TTYH3: variants seen among roughly 807,000 people sequenced by gnomAD.
The protein encoded by TTYH3 is protein tweety homolog 3.
A neutral mutation model predicts 68.2 loss-of-function variants in TTYH3; 23 were observed. The observed-to-expected ratio is 0.34, with a 90% CI of 0.24 to 0.48. The LOEUF (loss-of-function observed/expected upper bound fraction) is 0.48. Among genes scored for constraint, TTYH3 ranks in the 20% least tolerant of loss-of-function variants. The probability of loss-of-function intolerance (pLI) is 0.99; values close to 1 mark genes in which losing one functional copy is unlikely to be tolerated. For synonymous variants in TTYH3, 360 were observed against 332.8 expected (o/e 1.08, Z -0.89); for missense variants, 768 against 727.7 (o/e 1.06, Z -0.64).
chr7:2,657,347 ATGG>A (rs1449925071), intron 11 of TTYH3, among the ~76,000 whole-genome samples: 40 of 149,712 alleles, frequency 2.7e-4, no homozygotes, highest in Admixed American at 9.2e-4. Context: ...GGTGATGGTG[ATGG>A]TGGTGATGAT....
intron 8 of TTYH3, 169 bp from the exon 9 acceptor site, chr7:2,652,749 T>A (rs1786220467): frequency 6.6e-6 from 4 of 606,590 alleles, no homozygotes; most frequent in South Asian, 2.0e-5. Flanking sequence ...TCTCTGGGTG[T>A]GTCCCGGGGG....
At position 2,645,084 on chromosome 7, in the gene TTYH3, G is replaced by T. The variant is rs777401081; in HGVS notation, c.124-1769G>T. Among the ~76,000 whole-genome samples the T allele has an allele frequency of 6.6e-6, 1 of 151,578 alleles. No individual in the cohort carries two copies. Among genetic ancestry groups the T allele is most frequent in the African/African-American group, 2.4e-5 (1 of 41,180 alleles). On this transcript the variant is annotated intron_variant, in intron 1 of 13. Coordinates refer to ENST00000258796, the MANE Select transcript of TTYH3 (RefSeq NM_025250.3). The surrounding 1 kb of genome is among the most constrained non-coding windows in gnomAD (Gnocchi z 4.8). ...TGAGGGCAGCGCAGGTGTGCCTGGT[G>T]GCCACCCCACAACACTGAGGGCCCC...
Position 2,658,361 on chromosome 7 carries a change from CA to C in TTYH3, c.1327del (p.Met443CysfsTer33). The C allele has an allele frequency of 6.2e-7, 1 of 1,611,128 alleles. No individual in the cohort carries two copies. Among genetic ancestry groups the C allele is most frequent in the Middle Eastern group, 1.7e-4 (1 of 6,050 alleles). On this transcript the variant is annotated frameshift_variant, in exon 12 of 14. Transcript: ENST00000258796. LOFTEE classifies it high-confidence loss of function. ...CGCACGACAGCCTCTACCGCGTCCA[CA>C]TGCCCAGCCTGTACAGCTGTGGCAG... ...QAHDSLYRVHMPSLYSCGSSY... is the reference protein window; with the variant it reads ...QAHDSLYRVHXPSLYSCGSSY...
chr7:2,656,621 T>C, intron 11 of TTYH3, 87 bp downstream of exon 11: 1 of 1,484,056 alleles, frequency 6.7e-7, no homozygotes, highest in Non-Finnish European at 9.0e-7. Context: ...TGGACACCCA[T>C]GTGCCAGTCC....
rs754122294 is a variant in TTYH3, at chr7:2,658,420, C to T, written c.1385C>T (p.Ala462Val). The T allele has an allele frequency of 8.1e-6, 13 of 1,612,088 alleles. No homozygotes were observed. The highest frequency in any genetic ancestry group is 2.2e-5 in the East Asian group (1 of 44,884). ...GGCAGTGAGACCAGCATCCCGGCCG[C>T]GGCCCACACCGTCAGCAACGCCCCG... ...SYGSETSIPA[A>V]AHTVSNAPVT... is the part of the protein sequence containing the mutation. Residue 462 changes from alanine (A) to valine (V), a missense_variant, in exon 12 of 14, where the codon GCG becomes GTG. Transcript: ENST00000258796.
In TTYH3 at chr7:2,664,491, T is replaced by A. The variant is rs577226842; in HGVS notation, c.*2752T>A. 370 of 151,530 alleles carry A rather than the reference T, an allele frequency of 2.4e-3. 4 individuals are homozygous for A. The highest frequency in any genetic ancestry group is 3.8e-3 in the Non-Finnish European group (258 of 67,898). 9.4% of individuals were successfully genotyped at this position (151,530 alleles called of 1,614,324 possible). On this transcript the variant is annotated 3_prime_UTR_variant, in exon 14 of 14. Transcript: ENST00000258796. ...TTATATATAATATATATATATATAA[T>A]CTCCTTAAGACTCAGCCTCCTGGTT... is the stretch of plus-strand genomic sequence containing the variant.
At position 2,661,811 on chromosome 7, in the gene TTYH3, G is replaced by A; in HGVS notation, c.*72G>A. 6.6e-7 allele frequency: 1 copy of A among 1,507,490 alleles called. No homozygotes were observed. Among genetic ancestry groups the A allele is most frequent in the Non-Finnish European group, 9.0e-7 (1 of 1,113,704 alleles). 93.4% of individuals were successfully genotyped at this position (1,507,490 alleles called of 1,614,324 possible). A position where few individuals can be genotyped will look rare whatever the true frequency, so the allele number is the denominator to read the frequency against. On this transcript the variant is annotated 3_prime_UTR_variant, in exon 14 of 14. Coordinates refer to ENST00000258796, the MANE Select transcript of TTYH3 (RefSeq NM_025250.3). Reference sequence around the variant, plus strand: ...GTGCCAGCACTGCCGCTTCCACCTGGGCCACCCACCGGACCCTCGCACGCC... The same window carrying A: ...GTGCCAGCACTGCCGCTTCCACCTGAGCCACCCACCGGACCCTCGCACGCC...
chr7:2,647,189 G>A lies in TTYH3; in HGVS notation c.341G>A (p.Gly114Asp). 1 of 1,606,884 alleles carries A rather than the reference G, an allele frequency of 6.2e-7. No homozygotes were observed. The highest frequency in any genetic ancestry group is 8.5e-7 in the Non-Finnish European group (1 of 1,178,222). ...GFYGNGETSD[G>D]IHRATYSLRH... is the part of the protein sequence containing the mutation. The stretch of plus-strand genomic sequence containing the variant: ...TACGGCAACGGGGAGACCAGTGATG[G>A]CATCCATAGGGCCACCTACTCGCTC... The change falls in exon 3 of 14, where the codon GGC becomes GAC. Residue 114 changes from glycine to aspartate, a missense_variant. By Grantham distance (94) the Gly-to-Asp change is moderately conservative (BLOSUM62 -1). Transcript: ENST00000258796.
intron 13 of TTYH3, among the ~76,000 whole-genome samples, chr7:2,660,926 T>G (rs1221694300): frequency 6.6e-6 from 1 of 152,178 alleles, no homozygotes; most frequent in Non-Finnish European, 1.5e-5. Flanking sequence ...CACACACACG[T>G]GCACTCAAGA....
chr7:2,657,018 C>T lies in TTYH3; in HGVS notation c.1250+484C>T, dbSNP rs550615225. On this transcript the variant is annotated intron_variant, in intron 11 of 13. Coordinates refer to ENST00000258796, the MANE Select transcript of TTYH3 (RefSeq NM_025250.3). ...TCCAGCTAAGTGACCAGGATAGAAG[C>T]CAGCTCCCCTGGAGCCACTATGTCC... 1.2e-4 allele frequency among the ~76,000 whole-genome samples: 19 copies of T among 152,358 alleles called. No homozygotes were observed. In the East Asian group the frequency reaches 3.5e-3, roughly 28 times the overall value.
chr7:2,633,625 C>T (rs944024850), intron 1 of TTYH3, among the ~76,000 whole-genome samples: 1 of 152,258 alleles, frequency 6.6e-6, no homozygotes, highest in Non-Finnish European at 1.5e-5. Flanking sequence ...TCAGGAACTT[C>T]TGGAACTTAT....
At position 2,638,533 on chromosome 7, in the gene TTYH3, C is replaced by T. The variant is rs143206169; in HGVS notation, c.123+6255C>T. Among the ~76,000 whole-genome samples the T allele has an allele frequency of 3.8e-3, 571 of 152,130 alleles. 2 individuals are homozygous for T. Among genetic ancestry groups the T allele is most frequent in the Admixed American group, 6.5e-3 (99 of 15,294 alleles). On this transcript the variant is annotated intron_variant, in intron 1 of 13. Transcript: ENST00000258796. ...GTGAGGGCCAGCCCGGAGGGAGCCCCGGGGGGTGTGGGGCCATGTGCAGCC... is the reference window on the plus strand; with the variant it reads ...GTGAGGGCCAGCCCGGAGGGAGCCCTGGGGGGTGTGGGGCCATGTGCAGCC...
intron 1 of TTYH3, among the ~76,000 whole-genome samples, chr7:2,643,917 G>A (rs1016716081): frequency 1.3e-5 from 2 of 152,224 alleles, no homozygotes; most frequent in African/African-American, 4.8e-5. Context: ...AGTCCCAGAT[G>A]TGGGGTGCAG....
At chr7:2,652,662 T>G (rs1786218614) in intron 8 of TTYH3, among the ~76,000 whole-genome samples, 1 of 152,102 alleles carries the variant, frequency 6.6e-6, no homozygotes, top group Non-Finnish European at 1.5e-5. Flanking sequence ...ACCCTTTGAA[T>G]CCTGAGGGCC....
Position 2,658,459 on chromosome 7 carries a change from T to C in TTYH3, c.1424T>C (p.Met475Thr). 1.2e-6 allele frequency: 2 copies of C among 1,608,020 alleles called. No individual in the cohort carries two copies. Among genetic ancestry groups the C allele is most frequent in the Non-Finnish European group, 1.7e-6 (2 of 1,176,442 alleles). ...TVSNAPVTEY[M>T]SQNANFQNPR... ...AGCAACGCCCCGGTCACTGAGTACA[T>C]GTGAGTTGACGTGGGCCTAGTGGGG... Residue 475 changes from methionine to threonine, a missense_variant and splice_region_variant, in exon 12 of 14, where the codon ATG (methionine) becomes ACG (threonine). By Grantham distance (81) the Met-to-Thr change is moderately conservative (BLOSUM62 -1). Coordinates refer to ENST00000258796, the MANE Select transcript of TTYH3 (RefSeq NM_025250.3).
intron 1 of TTYH3, among the ~76,000 whole-genome samples, chr7:2,639,417 C>T (rs570222671): frequency 1.8e-4 from 28 of 152,334 alleles, no homozygotes; most frequent in African/African-American, 2.6e-4. Context: ...CTCCCCACAA[C>T]GGGAGTTTCA....
chr7:2,659,503 C>T (rs1786432542), intron 13 of TTYH3, among the ~76,000 whole-genome samples: 1 of 152,234 alleles, frequency 6.6e-6, no homozygotes, highest in African/African-American at 2.4e-5. Flanking sequence ...CTTTTTCTTC[C>T]TTGAGTCTTT....
Position 2,643,528 on chromosome 7 carries a change from G to C in TTYH3, c.124-3325G>C, listed in dbSNP as rs1270922271. On this transcript the variant is annotated intron_variant, in intron 1 of 13. Transcript: ENST00000258796. ...GGCGGCGCCAAGGGCAAGGGTGCCT[G>C]GTGCTTAGCAGCCTCTCCCCACCGG... is the stretch of plus-strand genomic sequence containing the variant. 2.6e-5 allele frequency among the ~76,000 whole-genome samples: 4 copies of C among 152,314 alleles called. No homozygotes were observed. In the East Asian group the frequency reaches 7.7e-4, roughly 29 times the overall value.
chr7:2,645,858 C>G lies in TTYH3; in HGVS notation c.124-995C>G. The G allele has an allele frequency of 2.1e-6, 1 of 470,848 alleles. No individual in the cohort carries two copies. The highest frequency in any genetic ancestry group is 4.4e-6 in the Non-Finnish European group (1 of 226,972). The allele number at this position is 470,848 out of a possible 1,614,324, so 29.2% of individuals were successfully genotyped here. On this transcript the variant is annotated intron_variant, in intron 1 of 13. Coordinates refer to ENST00000258796, the MANE Select transcript of TTYH3 (RefSeq NM_025250.3). The surrounding 1 kb of genome is among the most constrained non-coding windows in gnomAD (Gnocchi z 4.8). ...AGACCTGAAAACCTCAGGACTACAG[C>G]TGGGGTGGGGGATCCTGCCAGGACT...
Sources: gnomAD v4.1 joint callset for allele counts (sites outside exome capture counted in the v4.1 genomes callset) on GRCh38, gnomAD v4.1.1 for gene constraint, Gnocchi (gnomAD v3.1) non-coding constraint, MANE v1.5 for transcripts, NCBI Gene and HGNC (gene_info 2026-07-23, HGNC 2026-07-21) for gene names.